PRH1: variants seen among roughly 807,000 people sequenced by gnomAD.
PRH1 encodes the protein salivary acidic proline-rich phosphoprotein 1/2.
In PRH1, 7 loss-of-function variants were observed where a neutral mutation model predicts 7.9. That is an observed-to-expected ratio of 0.89 (90% CI 0.50 to 1.67). PRH1 has a LOEUF of 1.67. PRH1 is among the 40% of genes most tolerant of loss of function. The pLI is 0.00. For synonymous variants in PRH1, 45 were observed against 80.8 expected (o/e 0.56, Z 2.38); for missense variants, 109 against 223.6 (o/e 0.49, Z 3.27).
intron 2 of PRH1, chr12:10,931,101 C>T: frequency 6.4e-7 from 1 of 1,570,766 alleles, no homozygotes; most frequent in Non-Finnish European, 8.6e-7. Context: ...AGTTTATTAT[C>T]CATCAAAGGC....
In PRH1 at chr12:11,163,094, C is replaced by T. The variant is rs117722436; in HGVS notation, n.39+8328G>A. Among the ~76,000 whole-genome samples the T allele has an allele frequency of 8.8e-3, 1,344 of 152,128 alleles. 8 individuals carry two copies. The highest frequency in any genetic ancestry group is 0.017 in the Middle Eastern group (5 of 294). The stretch of plus-strand genomic sequence containing the variant: ...AAAAGCTGACTTTAAAAAATGGTTA[C>T]GTATAGTGTTCACTTCAGCAGCACA... On this transcript the variant is annotated intron_variant and non_coding_transcript_variant, in intron 1 of 1. Coordinates refer to the PRH1 transcript ENST00000541175.
chr12:10,970,102 C>T (rs183656598), intron 2 of PRH1, among the ~76,000 whole-genome samples: 267 of 152,190 alleles, frequency 1.8e-3, no homozygotes, highest in South Asian at 0.011. Context: ...GCACCTGGTC[C>T]CTTGGAGTAT....
chr12:11,110,224 A>G (rs1945546934), intron 1 of PRH1, among the ~76,000 whole-genome samples: 1 of 152,216 alleles, frequency 6.6e-6, no homozygotes, highest in African/African-American at 2.4e-5. Flanking sequence ...GGGATAATGG[A>G]ACAAAGTTGG....
In PRH1 at chr12:11,081,651, G is replaced by C. The variant is rs1944504697; in HGVS notation, n.124-34463C>G. ...TGCTAACAGGCAAACTCAATGACCA[G>C]AACTACCTCTCAAAATATCATTGCA... On this transcript the variant is annotated intron_variant and non_coding_transcript_variant, in intron 1 of 4. Coordinates refer to the PRH1 transcript ENST00000541977. Among the ~76,000 whole-genome samples the C allele has an allele frequency of 3.4e-5, 4 of 116,040 alleles. 1 individual carries two copies. In the South Asian group the frequency reaches 9.4e-4, roughly 27 times the overall value. 76.1% of individuals were successfully genotyped at this position (116,040 alleles called of 152,430 possible). A position where few individuals can be genotyped will look rare whatever the true frequency, so the allele number is the denominator to read the frequency against.
chr12:11,046,756 A>C (rs1410172964), intron 1 of PRH1, among the ~76,000 whole-genome samples: 3 of 152,024 alleles, frequency 2.0e-5, no homozygotes, highest in Non-Finnish European at 4.4e-5. Context: ...GTAAGAAAAA[A>C]ATGTTGTATG....
At chr12:11,009,336 A>G (rs1269528726) in intron 1 of PRH1, among the ~76,000 whole-genome samples, 2 of 151,858 alleles carry the variant, frequency 1.3e-5, no homozygotes, top group African/African-American at 4.8e-5. Flanking sequence ...CAGATTTTCT[A>G]TTGGTCTTTG....
At chr12:11,040,445 C>T (rs1356218267) in intron 1 of PRH1, among the ~76,000 whole-genome samples, 1 of 152,114 alleles carries the variant, frequency 6.6e-6, no homozygotes, top group Non-Finnish European at 1.5e-5. Context: ...AATCAGCATT[C>T]TCAGCAAACT....
At chr12:10,908,497 T>C (rs1949839772) in intron 2 of PRH1, 4 of 1,613,886 alleles carry the variant, frequency 2.5e-6, no homozygotes, top group Non-Finnish European at 3.4e-6. Context: ...ACTCCAATCG[T>C]CTCACAAAGC....
At chr12:11,009,843 C>A (rs11054159) in intron 1 of PRH1, among the ~76,000 whole-genome samples, 46,198 of 151,674 alleles carry the variant, frequency 0.3, 8,903 homozygotes, top group East Asian at 0.74. Context: ...ACCACAACTA[C>A]ATCATTCTAT....
chr12:10,883,042 A>G lies in PRH1; in HGVS notation c.100+19T>C. Reference sequence around the variant, plus strand: ...GGAAAAATGGAGACAGAGTTTACTGAGAATTTATTGGGATTTACCTGATAT... The same window carrying G: ...GGAAAAATGGAGACAGAGTTTACTGGGAATTTATTGGGATTTACCTGATAT... On this transcript the variant is annotated intron_variant, in intron 2 of 3. Coordinates refer to ENST00000543626, the MANE Select transcript of PRH1 (RefSeq NM_001393989.1). The G allele has an allele frequency of 6.2e-7, 1 of 1,608,098 alleles. No homozygotes were observed.
chr12:10,997,723 C>T (rs1305468753), intron 1 of PRH1: 2 of 1,613,864 alleles, frequency 1.2e-6, no homozygotes, highest in Non-Finnish European at 1.7e-6. Flanking sequence ...TGGAGACTGC[C>T]AGAGCAGCAA....
intron 1 of PRH1, among the ~76,000 whole-genome samples, chr12:11,058,349 G>A (rs952552511): frequency 6.6e-6 from 1 of 152,186 alleles, no homozygotes; most frequent in East Asian, 1.9e-4. Context: ...AGAGATATGT[G>A]AAGATTCAGG....
At chr12:11,170,343 G>C (rs1397851471) in intron 1 of PRH1, among the ~76,000 whole-genome samples, 1 of 152,092 alleles carries the variant, frequency 6.6e-6, no homozygotes, top group South Asian at 2.1e-4. Context: ...TCAGGAGATC[G>C]AGACCATCCT....
At chr12:10,986,425 CAAG>C (rs1939630602) in intron 1 of PRH1, 2 of 1,613,954 alleles carry the variant, frequency 1.2e-6, no homozygotes, top group African/African-American at 1.3e-5. Context: ...ATGTTTGCCA[CAAG>C]AAGATGACAA....
rs1269963410 is a variant in PRH1, at chr12:11,090,625, C to T, written n.124-43437G>A. Among the ~76,000 whole-genome samples the T allele has an allele frequency of 2.6e-5, 3 of 117,488 alleles. 1 individual carries two copies. Among genetic ancestry groups the T allele is most frequent in the African/African-American group, 8.6e-5 (3 of 34,816 alleles). 77.1% of individuals were successfully genotyped at this position (117,488 alleles called of 152,430 possible). On this transcript the variant is annotated intron_variant and non_coding_transcript_variant, in intron 1 of 4. Coordinates refer to the PRH1 transcript ENST00000541977. Reference sequence around the variant, plus strand: ...ATATGAAATCTAATATTCCTCAGTACCGCTTATGGTAGACATACATTAAAT... The same window carrying T: ...ATATGAAATCTAATATTCCTCAGTATCGCTTATGGTAGACATACATTAAAT...
chr12:10,922,060 G>A (rs889649424), intron 2 of PRH1, among the ~76,000 whole-genome samples: 1 of 152,122 alleles, frequency 6.6e-6, no homozygotes, highest in Non-Finnish European at 1.5e-5. Context: ...AGGTGCCACA[G>A]CACCCTGTCA....
rs149980175 is a variant in PRH1 at position 10,991,984 on chromosome 12, C to T, written c.-125-18263G>A. 2.3e-3 allele frequency among the ~76,000 whole-genome samples: 356 copies of T among 152,128 alleles called. 2 individuals are homozygous for T. The highest frequency in any genetic ancestry group is 8.0e-3 in the African/African-American group (334 of 41,494). On this transcript the variant is annotated intron_variant, in intron 1 of 3. Transcript: ENST00000539853. The stretch of plus-strand genomic sequence containing the variant: ...GCCTCATTTAAATGGGTTGATGGAC[C>T]GATAGTTGAAGAGGCCTCATACTTT...
At chr12:11,046,033 G>C (rs1451667398) in intron 1 of PRH1, among the ~76,000 whole-genome samples, 1 of 152,088 alleles carries the variant, frequency 6.6e-6, no homozygotes, top group Non-Finnish European at 1.5e-5. Context: ...TAATATATGC[G>C]CTTGAGAATT....
chr12:10,956,436 C>A (rs547968957), intron 2 of PRH1, among the ~76,000 whole-genome samples: 1 of 152,140 alleles, frequency 6.6e-6, no homozygotes, highest in African/African-American at 2.4e-5. Flanking sequence ...ATAATAAGAG[C>A]CACCCATGAC....
Sources: gnomAD v4.1 joint callset for allele counts (sites outside exome capture counted in the v4.1 genomes callset) on GRCh38, gnomAD v4.1.1 for gene constraint, MANE v1.5 for transcripts, NCBI Gene and HGNC (gene_info 2026-07-23, HGNC 2026-07-21) for gene names.